The following PLXDC2 variants were observed in gnomAD, a reference collection of about 807,000 sequenced individuals.
PLXDC2 encodes plexin domain containing 2, also known as plexin domain-containing protein 2.
A neutral mutation model predicts 68.9 loss-of-function variants in PLXDC2; 40 were observed. That is an observed-to-expected ratio of 0.58 (90% CI 0.45 to 0.76). The LOEUF (loss-of-function observed/expected upper bound fraction) is 0.76, where lower values mean the gene tolerates loss of function less well. Ranked by LOEUF, PLXDC2 falls within the 30% of genes least tolerant of loss-of-function variation. The pLI, the probability that PLXDC2 is intolerant of heterozygous loss-of-function variation, is 0.00. For missense variants in PLXDC2, 644 were observed against 661.9 expected (o/e 0.97, Z 0.30); for synonymous variants, 243 against 234.2 (o/e 1.04, Z -0.34).
At chr10:19,933,841 GGGA>G (rs1833680510) in intron 1 of PLXDC2, among the ~76,000 whole-genome samples, 1 of 136,366 alleles carries the variant, frequency 7.3e-6, no homozygotes, top group African/African-American at 2.7e-5. Context: ...AAGGAAGGAG[GGGA>G]GGAAGGAAGG....
intron 13 of PLXDC2, among the ~76,000 whole-genome samples, chr10:20,273,764 C>T (rs114259064): frequency 0.015 from 2,215 of 152,256 alleles, 51 homozygotes; most frequent in African/African-American, 0.049. Context: ...CGCGTGTAAT[C>T]CCCACACTTT....
intron 1 of PLXDC2, among the ~76,000 whole-genome samples, chr10:19,823,828 G>GT (rs1182927110): frequency 2.0e-5 from 3 of 151,940 alleles, no homozygotes; most frequent in Non-Finnish European, 4.4e-5. Context: ...CATCTCTACA[G>GT]TTTTTTTGTT....
chr10:19,944,639 G>T (rs1833872140), intron 1 of PLXDC2, among the ~76,000 whole-genome samples: 1 of 152,274 alleles, frequency 6.6e-6, no homozygotes, highest in South Asian at 2.1e-4. Context: ...ACAGAAAACG[G>T]AAGTAAGGTA....
intron 2 of PLXDC2, among the ~76,000 whole-genome samples, chr10:20,039,483 T>A (rs12783844): frequency 0.32 from 48,267 of 152,032 alleles, 9,389 homozygotes; most frequent in Middle Eastern, 0.48. Flanking sequence ...CAATTTTAGG[T>A]TATTGACCTT....
At chr10:20,026,667 CAA>C (rs1835409016) in intron 2 of PLXDC2, among the ~76,000 whole-genome samples, 2 of 152,020 alleles carry the variant, frequency 1.3e-5, no homozygotes, top group South Asian at 4.1e-4. Flanking sequence ...AACCACCAAA[CAA>C]GAGCAGATAC....
intron 2 of PLXDC2, among the ~76,000 whole-genome samples, chr10:20,035,754 G>C (rs1835566933): frequency 6.6e-6 from 1 of 152,008 alleles, no homozygotes; most frequent in Non-Finnish European, 1.5e-5. Flanking sequence ...GGAAATACCA[G>C]ACTAAACAGT....
At chr10:20,226,211 G>A (rs143026073) in intron 12 of PLXDC2, among the ~76,000 whole-genome samples, 67 of 152,236 alleles carry the variant, frequency 4.4e-4, no homozygotes, top group East Asian at 3.9e-4. Flanking sequence ...TTACTCTGCC[G>A]GGGAAAGGAA....
chr10:19,933,007 G>A (rs973248680), intron 1 of PLXDC2, among the ~76,000 whole-genome samples: 1 of 152,114 alleles, frequency 6.6e-6, no homozygotes, highest in African/African-American at 2.4e-5. Flanking sequence ...GCCAAAGAGA[G>A]GTTAGGTAAT....
chr10:20,109,730 C>A (rs1295503705), intron 4 of PLXDC2, among the ~76,000 whole-genome samples: 1 of 152,166 alleles, frequency 6.6e-6, no homozygotes, highest in African/African-American at 2.4e-5. Context: ...AAACGATCCC[C>A]ATTGCAATGA....
chr10:20,282,871 T>C lies in PLXDC2; in HGVS notation c.*3052T>C, dbSNP rs1337284815. On this transcript the variant is annotated 3_prime_UTR_variant, in exon 14 of 14. Coordinates refer to ENST00000377252, the MANE Select transcript of PLXDC2 (RefSeq NM_032812.9). ...GAGGTATCAAGGGCATTTGCCAATCTCTTATATGTAGCTTCTAGAGTTGTG... is the reference window on the plus strand; with the variant it reads ...GAGGTATCAAGGGCATTTGCCAATCCCTTATATGTAGCTTCTAGAGTTGTG... 1.3e-5 allele frequency: 2 copies of C among 152,308 alleles called. No individual in the cohort carries two copies. Among genetic ancestry groups the C allele is most frequent in the South Asian group, 2.1e-4 (1 of 4,826 alleles). The allele number at this position is 152,308 out of a possible 1,614,324, so 9.4% of individuals were successfully genotyped here. A position where few individuals can be genotyped will look rare whatever the true frequency, so the allele number is the denominator to read the frequency against.
At chr10:20,247,305 AAAAAAAG>A (rs376361725) in intron 13 of PLXDC2, among the ~76,000 whole-genome samples, 2 of 151,198 alleles carry the variant, frequency 1.3e-5, no homozygotes, top group African/African-American at 4.9e-5. Flanking sequence ...ACAAAAAAAA[AAAAAAAG>A]AAAAAAAGAA....
intron 1 of PLXDC2, among the ~76,000 whole-genome samples, chr10:19,957,900 A>T (rs1357978275): frequency 6.6e-6 from 1 of 152,118 alleles, no homozygotes; most frequent in Non-Finnish European, 1.5e-5. Flanking sequence ...TTAGAGTTTC[A>T]GTTTTATGCA....
intron 1 of PLXDC2, among the ~76,000 whole-genome samples, chr10:19,872,690 CT>C (rs1441513382): frequency 1.7e-4 from 26 of 151,936 alleles, no homozygotes; most frequent in Admixed American, 1.7e-3. Flanking sequence ...CTCAGGGGAA[CT>C]GGGCAGAGTT....
intron 4 of PLXDC2, among the ~76,000 whole-genome samples, chr10:20,100,582 A>G (rs1433847982): frequency 1.3e-5 from 2 of 152,192 alleles, no homozygotes; most frequent in Non-Finnish European, 2.9e-5. Context: ...TGGACATGTC[A>G]TTCCTGTTGC....
chr10:20,069,871 A>G lies in PLXDC2; in HGVS notation c.541+1632A>G, dbSNP rs922971266. On this transcript the variant is annotated intron_variant, in intron 4 of 13. Transcript: ENST00000377252. ...TGAAAACCAGAAAAAGAAAATACAAATGATAAGCTATGGGTTTCCAGGGAT... is the reference window on the plus strand; with the variant it reads ...TGAAAACCAGAAAAAGAAAATACAAGTGATAAGCTATGGGTTTCCAGGGAT... 3.3e-5 allele frequency among the ~76,000 whole-genome samples: 5 copies of G among 152,182 alleles called. No individual in the cohort carries two copies. In the South Asian group the frequency reaches 1.0e-3, roughly 32 times the overall value.
chr10:20,240,319 T>G (rs989563049), intron 12 of PLXDC2, among the ~76,000 whole-genome samples: 21 of 152,226 alleles, frequency 1.4e-4, no homozygotes, highest in African/African-American at 4.6e-4. Context: ...CAACATTTTC[T>G]TGATCCAATC....
At chr10:20,140,431 A>ATCTATCTG (rs1554769245) in intron 4 of PLXDC2, among the ~76,000 whole-genome samples, 5 of 149,334 alleles carry the variant, frequency 3.3e-5, no homozygotes, top group African/African-American at 4.9e-5. Context: ...CTATCTATCT[A>ATCTATCTG]TCTATCTATC....
At chr10:20,063,131 A>G (rs965642104) in intron 3 of PLXDC2, among the ~76,000 whole-genome samples, 39 of 152,304 alleles carry the variant, frequency 2.6e-4, no homozygotes, top group African/African-American at 9.1e-4. Flanking sequence ...GAATATTAAA[A>G]TATGCCTGTA....
At chr10:20,022,946 A>T (rs1835337043) in intron 2 of PLXDC2, among the ~76,000 whole-genome samples, 1 of 151,910 alleles carries the variant, frequency 6.6e-6, no homozygotes, top group Admixed American at 6.6e-5. Flanking sequence ...GGATTATTTA[A>T]ATATGTTCTA....
Sources: allele counts gnomAD v4.1 joint callset (sites outside exome capture counted in the v4.1 genomes callset), GRCh38; gene constraint gnomAD v4.1.1; transcripts MANE v1.5; gene names NCBI Gene and HGNC (gene_info 2026-07-23, HGNC 2026-07-21).